The following TDRD10 variants were observed in gnomAD, a reference collection of about 807,000 sequenced individuals.
TDRD10 encodes the protein tudor domain containing 10.
TDRD10 carries 40 observed loss-of-function variants against 48.0 expected under a neutral mutation model. The observed-to-expected ratio is 0.83, with a 90% CI of 0.65 to 1.09. The LOEUF (loss-of-function observed/expected upper bound fraction) is 1.09. TDRD10 is among the 50% of genes least tolerant of loss of function. The pLI is 0.00. For synonymous variants in TDRD10, 162 were observed against 170.4 expected, an observed-to-expected ratio of 0.95 and a Z score of 0.38; for missense variants, 378 against 434.7, an observed-to-expected ratio of 0.87 and a Z score of 1.16.
At chr1:154,543,069 A>G (rs971544188) in intron 8 of TDRD10, among the ~76,000 whole-genome samples, 6 of 152,260 alleles carry the variant, frequency 3.9e-5, no homozygotes, top group Admixed American at 2.6e-4. Context: ...TGAGGTCAGG[A>G]GTTCAAGACC....
In TDRD10 at chr1:154,511,974, G is replaced by C. The variant is rs1693502822; in HGVS notation, c.141+3493G>C. On this transcript the variant is annotated intron_variant, in intron 4 of 12. Transcript: ENST00000368482. ...AACCCAGGAGACAGAGGATGCAAGTGAGACGAGATCATGCCACTGCACTCC... is the reference window on the plus strand; with the variant it reads ...AACCCAGGAGACAGAGGATGCAAGTCAGACGAGATCATGCCACTGCACTCC... Among the ~76,000 whole-genome samples, 4 of 151,820 alleles carry C rather than the reference G, an allele frequency of 2.6e-5. No individual in the cohort carries two copies. The South Asian group carries it at 8.3e-4, about 32-fold the overall frequency.
At chr1:154,520,161 A>G (rs1693982922) in intron 4 of TDRD10, 143 bp from the exon 5 acceptor site, 1 of 613,322 alleles carries the variant, frequency 1.6e-6, no homozygotes, top group Non-Finnish European at 2.9e-6. Context: ...ATCCTACAAA[A>G]CATGGCACGT....
At chr1:154,528,769 T>C (rs1469352923) in intron 6 of TDRD10, among the ~76,000 whole-genome samples, 1 of 120,092 alleles carries the variant, frequency 8.3e-6, no homozygotes, top group Admixed American at 9.3e-5. Flanking sequence ...TGAGCTGAGA[T>C]TGCACCACTG....
intron 6 of TDRD10, among the ~76,000 whole-genome samples, chr1:154,535,966 T>G (rs1043361114): frequency 1.3e-5 from 2 of 151,736 alleles, no homozygotes; most frequent in Non-Finnish European, 2.9e-5. Flanking sequence ...GGAAGAAAAA[T>G]GTAAAATTGA....
chr1:154,525,055 C>A (rs1039695341), intron 6 of TDRD10, among the ~76,000 whole-genome samples: 1 of 152,216 alleles, frequency 6.6e-6, no homozygotes, highest in African/African-American at 2.4e-5. Context: ...TGGGAAAATG[C>A]CCCCAGGCAG....
Position 154,547,860 on chromosome 1 carries a change from C to T in TDRD10, c.*150C>T. On this transcript the variant is annotated 3_prime_UTR_variant, in exon 13 of 13. Coordinates refer to ENST00000368482, the MANE Select transcript of TDRD10 (RefSeq NM_182499.4). Reference sequence around the variant, plus strand: ...ATTGATTCAATTTTGCTTTTACTCCCAGCTTCCCTCTCAAAAGAGAGTGAA... The same window carrying T: ...ATTGATTCAATTTTGCTTTTACTCCTAGCTTCCCTCTCAAAAGAGAGTGAA... 1 of 842,350 alleles carries T rather than the reference C, an allele frequency of 1.2e-6. No homozygotes were observed. Among genetic ancestry groups the T allele is most frequent in the Non-Finnish European group, 1.9e-6 (1 of 528,908 alleles). 52.2% of individuals were successfully genotyped at this position (842,350 alleles called of 1,614,324 possible).
intron 6 of TDRD10, among the ~76,000 whole-genome samples, chr1:154,530,687 G>A (rs1694568305): frequency 6.6e-6 from 1 of 151,798 alleles, no homozygotes; most frequent in Admixed American, 6.6e-5. Flanking sequence ...TTTTACTGTT[G>A]TGGGTTCACT....
chr1:154,521,392 C>A lies in TDRD10; in HGVS notation c.282C>A (p.Leu94=), dbSNP rs1386008147. ...CAATCCAGGAGCTGAATGGTAAACT[C>A]TTCCACAAGCGAAAACTGTTCGTGA... The part of the protein sequence containing the change: ...TLAIQELNGK[L]FHKRKLFVNT... Residue 94 remains leucine, a synonymous_variant, in exon 6 of 13, where the codon CTC becomes CTA. Coordinates refer to ENST00000368482, the MANE Select transcript of TDRD10 (RefSeq NM_182499.4). 1 of 1,614,216 alleles carries A rather than the reference C, an allele frequency of 6.2e-7. No homozygotes were observed. Among genetic ancestry groups the A allele is most frequent in the Non-Finnish European group, 8.5e-7 (1 of 1,180,028 alleles).
chr1:154,539,042 TG>T (rs1367662239), intron 6 of TDRD10, among the ~76,000 whole-genome samples: 3 of 152,206 alleles, frequency 2.0e-5, no homozygotes, highest in Admixed American at 1.3e-4. Flanking sequence ...TCTGCAGATG[TG>T]AACACCAAGT....
intron 6 of TDRD10, among the ~76,000 whole-genome samples, chr1:154,529,777 TCAGGTGATCCGCCTGTC>T (rs1694509713): frequency 2.0e-5 from 3 of 152,164 alleles, no homozygotes; most frequent in African/African-American, 7.2e-5. Context: ...ACTCCTGACC[TCAGGTGATCCGCCTGTC>T]TTGGCCTCCC....
At position 154,548,008 on chromosome 1, in the gene TDRD10, T is replaced by G. The variant is rs1695701289; in HGVS notation, c.*298T>G. On this transcript the variant is annotated 3_prime_UTR_variant, in exon 13 of 13. Coordinates refer to ENST00000368482, the MANE Select transcript of TDRD10 (RefSeq NM_182499.4). ...GATGGTCTTTCTTGTGTCTCTTCTT[T>G]GCACCCCAGAGCATGATATAAGTGG... 2.0e-6 allele frequency: 1 copy of G among 506,684 alleles called. No homozygotes were observed. 31.4% of individuals were successfully genotyped at this position (506,684 alleles called of 1,614,324 possible).
chr1:154,521,297 C>T (rs377442481), intron 5 of TDRD10, 26 bp from the exon 6 acceptor site: 24 of 1,611,878 alleles, frequency 1.5e-5, no homozygotes, highest in Non-Finnish European at 1.9e-5. Context: ...GTGCTCAAAG[C>T]CTCCCTCTCT....
At chr1:154,545,867 T>G (rs1695528228) in intron 11 of TDRD10, among the ~76,000 whole-genome samples, 1 of 144,588 alleles carries the variant, frequency 6.9e-6, no homozygotes. Context: ...GCCTCCCAAG[T>G]TCACATAATT....
At position 154,510,593 on chromosome 1, in the gene TDRD10, AAAAAAC is replaced by A. The variant is rs368484050; in HGVS notation, c.141+2130_141+2135del. ...GGCGACAGAGCGAGACTCCATCTCAAAAAAACAAAAACAAAAACAAAAAAACTGAAA... is the reference window on the plus strand; with the variant it reads ...GGCGACAGAGCGAGACTCCATCTCAAAAAAACAAAAACAAAAAAACTGAAA... On this transcript the variant is annotated intron_variant, in intron 4 of 12. Transcript: ENST00000368482. Among the ~76,000 whole-genome samples, 446 of 151,996 alleles carry A rather than the reference AAAAAAC, an allele frequency of 2.9e-3. 1 individual carries two copies. The highest frequency in any genetic ancestry group is 0.01 in the African/African-American group (419 of 41,424).
chr1:154,546,438 C>T (rs1232024008), intron 11 of TDRD10, among the ~76,000 whole-genome samples: 4 of 140,448 alleles, frequency 2.8e-5, no homozygotes, highest in African/African-American at 1.0e-4. Context: ...TTATATATAT[C>T]ACGTAATATA....
intron 6 of TDRD10, among the ~76,000 whole-genome samples, chr1:154,528,148 T>C (rs927684238): frequency 3.3e-5 from 5 of 151,996 alleles, no homozygotes; most frequent in African/African-American, 1.2e-4. Flanking sequence ...TCCCAGCACT[T>C]TGGGAGGCCA....
chr1:154,513,980 A>G (rs1443316905), intron 4 of TDRD10, among the ~76,000 whole-genome samples: 3 of 152,166 alleles, frequency 2.0e-5, no homozygotes, highest in East Asian at 3.9e-4. Context: ...ACCTGAGGTC[A>G]GGAGTTTGAG....
intron 2 of TDRD10, 69 bp from the exon 3 acceptor site, chr1:154,507,172 T>C (rs1693191252): frequency 6.8e-7 from 1 of 1,475,316 alleles, no homozygotes; most frequent in Middle Eastern, 1.9e-4. Context: ...CCTCTGCTTA[T>C]GCCTGACACG....
At chr1:154,541,959 C>A in intron 6 of TDRD10, 65 bp from the exon 7 acceptor site, 3 of 1,538,318 alleles carry the variant, frequency 2.0e-6, no homozygotes, top group South Asian at 1.2e-5. Context: ...TGGAGTGATT[C>A]AACATAGAAA....
Sources: allele counts gnomAD v4.1 joint callset (sites outside exome capture counted in the v4.1 genomes callset), GRCh38; gene constraint gnomAD v4.1.1; transcripts MANE v1.5; gene names NCBI Gene and HGNC (gene_info 2026-07-23, HGNC 2026-07-21).